Variants in ABCB5 observed in about 807,000 individuals in gnomAD.
ABCB5 encodes ATP binding cassette subfamily B member 5.
ABCB5 carries 155 observed loss-of-function variants against 144.2 expected under a neutral mutation model. That is an observed-to-expected ratio of 1.08 (90% confidence interval 0.94 to 1.23). The LOEUF (loss-of-function observed/expected upper bound fraction) is 1.23, where lower values mean the gene tolerates loss of function less well. ABCB5 is among the 50% of genes most tolerant of loss of function. The pLI, the probability that ABCB5 is intolerant of heterozygous loss-of-function variation, is 0.00. For missense variants in ABCB5, 1,830 were observed against 1,520.8 expected, an observed-to-expected ratio of 1.20 and a Z score of -3.38; for synonymous variants, 610 against 528.6, an observed-to-expected ratio of 1.15 and a Z score of -2.11.
chr7:20,643,878 G>A (rs539162975), intron 7 of ABCB5, among the ~76,000 whole-genome samples: 1 of 152,302 alleles, frequency 6.6e-6, no homozygotes, highest in African/African-American at 2.4e-5. Context: ...TCATTTAGCA[G>A]TCTAACACAA....
chr7:20,742,181 C>T (rs1161237137), intron 24 of ABCB5, among the ~76,000 whole-genome samples: 2 of 151,648 alleles, frequency 1.3e-5, no homozygotes, highest in Admixed American at 6.6e-5. Flanking sequence ...TGGAACCAGC[C>T]TGGGCAACAT....
chr7:20,635,109 TC>T (rs1784126038), intron 5 of ABCB5, among the ~76,000 whole-genome samples: 1 of 152,082 alleles, frequency 6.6e-6, no homozygotes, highest in Non-Finnish European at 1.5e-5. Context: ...CCAGTTTTAT[TC>T]TTTTGCTTAC....
At position 20,658,424 on chromosome 7, in the gene ABCB5, A is replaced by G. The variant is rs1377192595; in HGVS notation, c.1537-82A>G. The G allele has an allele frequency of 2.9e-6, 4 of 1,387,096 alleles. No individual in the cohort carries two copies. The Admixed American group carries it at 6.1e-5, about 21-fold the overall frequency. 85.9% of individuals were successfully genotyped at this position (1,387,096 alleles called of 1,614,324 possible). On this transcript the variant is annotated intron_variant, in intron 13 of 27. Transcript: ENST00000404938. ...GTACTGATTAAGCTGATATTAAAAC[A>G]CAACTGGGATTGTCATTTCCTGTTC...
In ABCB5 at chr7:20,706,709, A is replaced by T. The variant is rs1321249600; in HGVS notation, c.2421+1902A>T. ...AAAGTTGCCAAATTTAAAAAGTAAAACAAGGGGTAAACTGTCCCAGGTTGC... is the reference window on the plus strand; with the variant it reads ...AAAGTTGCCAAATTTAAAAAGTAAATCAAGGGGTAAACTGTCCCAGGTTGC... On this transcript the variant is annotated intron_variant, in intron 20 of 27. Transcript: ENST00000404938. 2.0e-5 allele frequency among the ~76,000 whole-genome samples: 3 copies of T among 152,186 alleles called. No individual in the cohort carries two copies. The East Asian group carries it at 5.8e-4, about 29-fold the overall frequency.
At chr7:20,647,318 G>C (rs1352650833) in intron 9 of ABCB5, 4 of 1,299,802 alleles carry the variant, frequency 3.1e-6, no homozygotes, top group Non-Finnish European at 3.9e-6. Context: ...AAAGGCCAAG[G>C]ATACTTGGAT....
intron 20 of ABCB5, among the ~76,000 whole-genome samples, chr7:20,718,476 G>A (rs534461095): frequency 1.3e-5 from 2 of 152,234 alleles, no homozygotes; most frequent in South Asian, 4.1e-4. Flanking sequence ...TTTTTTGAGT[G>A]TTTGCTGTTG....
At chr7:20,629,267 G>A (rs1159218057) in intron 4 of ABCB5, among the ~76,000 whole-genome samples, 4 of 151,834 alleles carry the variant, frequency 2.6e-5, no homozygotes, top group African/African-American at 9.7e-5. Context: ...GGCATGCTGG[G>A]GACTCAGCAG....
intron 14 of ABCB5, among the ~76,000 whole-genome samples, chr7:20,670,800 T>C (rs992493998): frequency 4.6e-5 from 7 of 152,118 alleles, no homozygotes; most frequent in Non-Finnish European, 8.8e-5. Context: ...TCCCAGCTAC[T>C]TGGGAGGCTG....
intron 14 of ABCB5, chr7:20,659,735 C>A (rs1027349007): frequency 1.0e-6 from 1 of 985,838 alleles, no homozygotes; most frequent in African/African-American, 1.7e-5. Context: ...TATATTCAAG[C>A]CTCGCTCTGT....
rs1247812760 is a variant in ABCB5, at chr7:20,688,281, A to C, written c.2010+2445A>C. Among the ~76,000 whole-genome samples, 3 of 152,216 alleles carry C rather than the reference A, an allele frequency of 2.0e-5. No individual in the cohort carries two copies. The East Asian group carries it at 5.8e-4, about 29-fold the overall frequency. The stretch of plus-strand genomic sequence containing the variant: ...AAAAGAAATGGAGCAGTATTTTAGA[A>C]CAGAGTTAATGGGAGTTCTATTAGT... On this transcript the variant is annotated intron_variant, in intron 16 of 27. Transcript: ENST00000404938.
Position 20,648,212 on chromosome 7 carries a change from G to A in ABCB5, c.1206+134G>A, listed in dbSNP as rs1784472779. 1.8e-5 allele frequency: 11 copies of A among 615,998 alleles called. No homozygotes were observed. In the East Asian group the frequency reaches 2.8e-4, roughly 16 times the overall value. 38.2% of individuals were successfully genotyped at this position (615,998 alleles called of 1,614,324 possible). On this transcript the variant is annotated intron_variant, in intron 11 of 27. Coordinates refer to ENST00000404938, the MANE Select transcript of ABCB5 (RefSeq NM_001163941.2). Reference sequence around the variant, plus strand: ...CTACTTTGCTTAGAGACTTGAGGAGGTAGATAAATAATGGACAAATAACTC... The same window carrying A: ...CTACTTTGCTTAGAGACTTGAGGAGATAGATAAATAATGGACAAATAACTC...
intron 20 of ABCB5, among the ~76,000 whole-genome samples, chr7:20,718,078 G>A (rs1277834539): frequency 7.0e-6 from 1 of 141,860 alleles, no homozygotes; most frequent in Non-Finnish European, 1.5e-5. Flanking sequence ...ATTTTTTTGT[G>A]GTTTTTTTTT....
At chr7:20,720,805 A>G (rs536973953) in intron 20 of ABCB5, among the ~76,000 whole-genome samples, 48 of 151,834 alleles carry the variant, frequency 3.2e-4, no homozygotes, top group African/African-American at 8.7e-4. Flanking sequence ...TTAGCCGGGC[A>G]TGGTGGTGCG....
intron 23 of ABCB5, among the ~76,000 whole-genome samples, chr7:20,732,186 C>A (rs1782242571): frequency 6.6e-6 from 1 of 152,142 alleles, no homozygotes; most frequent in Non-Finnish European, 1.5e-5. Context: ...TTCACACTTG[C>A]TATTCTCTGC....
chr7:20,686,154 G>A (rs963106901), intron 16 of ABCB5, among the ~76,000 whole-genome samples: 1 of 152,180 alleles, frequency 6.6e-6, no homozygotes, highest in African/African-American at 2.4e-5. Context: ...TACCAATGGT[G>A]ATGCTCAAGA....
intron 11 of ABCB5, 126 bp from the exon 12 acceptor site, chr7:20,649,896 T>C: frequency 2.9e-6 from 3 of 1,047,946 alleles, no homozygotes; most frequent in Non-Finnish European, 4.0e-6. Context: ...GAAACAAACA[T>C]AACAAGATCT....
At chr7:20,692,826 A>G (rs1786279148) in intron 16 of ABCB5, among the ~76,000 whole-genome samples, 2 of 152,188 alleles carry the variant, frequency 1.3e-5, no homozygotes, top group Non-Finnish European at 2.9e-5. Flanking sequence ...TAATTTTCTT[A>G]GAGCAAACAA....
intron 14 of ABCB5, among the ~76,000 whole-genome samples, chr7:20,675,362 T>A (rs980755870): frequency 6.7e-6 from 1 of 148,432 alleles, no homozygotes; most frequent in African/African-American, 2.6e-5. Flanking sequence ...CAACTGACCT[T>A]TGACAAGGGT....
At chr7:20,633,372 A>C (rs149421941) in intron 5 of ABCB5, among the ~76,000 whole-genome samples, 10 of 152,208 alleles carry the variant, frequency 6.6e-5, no homozygotes, top group African/African-American at 2.4e-4. Flanking sequence ...TCTAAACCTA[A>C]GTGATTCCTA....
Sources: allele counts gnomAD v4.1 joint callset (sites outside exome capture counted in the v4.1 genomes callset), GRCh38; gene constraint gnomAD v4.1.1; transcripts MANE v1.5; gene names NCBI Gene and HGNC (gene_info 2026-07-23, HGNC 2026-07-21).